Variants in CWC25 observed in about 807,000 individuals in gnomAD.
CWC25 encodes CWC25 spliceosome associated protein.
In CWC25, 31 loss-of-function variants were observed where a neutral mutation model predicts 54.6. The observed-to-expected ratio is 0.57, with a 90% CI of 0.43 to 0.77. CWC25 has a LOEUF of 0.77. Among genes scored for constraint, CWC25 ranks in the 30% least tolerant of loss-of-function variants. The probability of loss-of-function intolerance (pLI) is 0.00; values close to 1 mark genes in which losing one functional copy is unlikely to be tolerated. For synonymous variants in CWC25, 151 were observed against 187.0 expected (o/e 0.81, Z 1.57); for missense variants, 453 against 529.3 (o/e 0.86, Z 1.41).
At chr17:38,818,148 C>T (rs1379387598) in intron 2 of CWC25, among the ~76,000 whole-genome samples, 2 of 151,232 alleles carry the variant, frequency 1.3e-5, no homozygotes, top group African/African-American at 4.9e-5. Context: ...TGGTGATGTG[C>T]GCCTGTAATC....
intron 1 of CWC25, among the ~76,000 whole-genome samples, chr17:38,821,781 C>G (rs1000024146): frequency 6.9e-6 from 1 of 144,084 alleles, no homozygotes; most frequent in Non-Finnish European, 1.5e-5. Context: ...GACATTCATT[C>G]TTTTTTTTTT....
chr17:38,822,252 G>A (rs926944736), intron 1 of CWC25, among the ~76,000 whole-genome samples: 31 of 152,036 alleles, frequency 2.0e-4, no homozygotes, highest in African/African-American at 7.5e-4. Context: ...TAGTAGAGAT[G>A]GGGTTTCTCT....
intron 9 of CWC25, 73 bp from the exon 10 acceptor site, chr17:38,802,279 G>T: frequency 2.9e-6 from 3 of 1,019,622 alleles, no homozygotes; most frequent in Non-Finnish European, 4.5e-6. Context: ...AGCTTCAGAA[G>T]AAATGGGTTG....
Position 38,802,204 on chromosome 17 carries a change from C to A in CWC25, c.1166G>T (p.Arg389Leu). 1 of 1,607,562 alleles carries A rather than the reference C, an allele frequency of 6.2e-7. No individual in the cohort carries two copies. The highest frequency in any genetic ancestry group is 8.5e-7 in the Non-Finnish European group (1 of 1,175,028). The change falls in exon 10 of 10, where the codon CGC becomes CTC. Residue 389 changes from arginine (R) to leucine (L), a missense_variant and splice_region_variant. Arg to Leu is a moderately radical substitution (Grantham distance 102). Around this residue, in one of 2 missense-constraint regions of CWC25, gnomAD observed 444 missense variants for 499.2 expected, o/e 0.89. Coordinates refer to ENST00000614790, the MANE Select transcript of CWC25 (RefSeq NM_017748.5). Reference sequence around the variant, plus strand: ...AGTAGATGCACTCTCCAGCTTCATGCGGCTAGGAAGAGAAGACAGGCAAAT... The same window carrying A: ...AGTAGATGCACTCTCCAGCTTCATGAGGCTAGGAAGAGAAGACAGGCAAAT... ...LDSRDGKFIH[R>L]MKLESASTSS... is the part of the protein sequence containing the mutation.
intron 1 of CWC25, among the ~76,000 whole-genome samples, chr17:38,823,200 C>T (rs1322807762): frequency 3.5e-5 from 5 of 142,982 alleles, no homozygotes; most frequent in Admixed American, 7.4e-5. Flanking sequence ...TGCTCTGTCA[C>T]GCAGGCTAGA....
Position 38,811,705 on chromosome 17 carries a change from C to T in CWC25, c.498+1090G>A, listed in dbSNP as rs562617160. ...CCAGGGGAAGGGTCTTAACCCTGGC[C>T]GTGCACTAACACCCCCAACTACTGA... On this transcript the variant is annotated intron_variant, in intron 4 of 9. Coordinates refer to ENST00000614790, the MANE Select transcript of CWC25 (RefSeq NM_017748.5). Among the ~76,000 whole-genome samples the T allele has an allele frequency of 2.0e-5, 3 of 152,204 alleles. No individual in the cohort carries two copies. The South Asian group carries it at 6.2e-4, about 32-fold the overall frequency.
chr17:38,806,804 G>C lies in CWC25; in HGVS notation c.863C>G (p.Ser288Cys). The C allele has an allele frequency of 6.2e-7, 1 of 1,610,188 alleles. No individual in the cohort carries two copies. The highest frequency in any genetic ancestry group is 1.3e-5 in the African/African-American group (1 of 74,830). Residue 288 changes from serine to cysteine, a missense_variant, in exon 7 of 10, where the codon TCC becomes TGC. Ser to Cys is a moderately radical substitution (Grantham distance 112, BLOSUM62 -1). This residue lies in a region of CWC25 where 444 missense variants were observed against 499.2 expected (regional missense o/e 0.89). Transcript: ENST00000614790. The stretch of plus-strand genomic sequence containing the variant: ...TGGGGACCGTGACCTTCTGCCCAGG[G>C]ATCGAGACCTCCTGTCCCGGGACCC... ...EAGSRDRRSRSLGRRSRSPRP... is the reference protein window; with the variant it reads ...EAGSRDRRSRCLGRRSRSPRP...
intron 3 of CWC25, among the ~76,000 whole-genome samples, chr17:38,814,050 A>G (rs1911598229): frequency 6.6e-6 from 1 of 151,218 alleles, no homozygotes; most frequent in South Asian, 2.1e-4. Context: ...TTTAGTAGAG[A>G]CGGGGTTTCA....
At chr17:38,817,516 C>T (rs1911750919) in intron 2 of CWC25, among the ~76,000 whole-genome samples, 1 of 152,054 alleles carries the variant, frequency 6.6e-6, no homozygotes, top group Admixed American at 6.6e-5. Flanking sequence ...AGGCCAGGCA[C>T]AGTAACTCAC....
At chr17:38,804,555 C>T (rs772704544) in intron 8 of CWC25, among the ~76,000 whole-genome samples, 7 of 152,146 alleles carry the variant, frequency 4.6e-5, no homozygotes, top group South Asian at 2.1e-4. Context: ...GCCTGTAATC[C>T]GAACACTTTG....
rs1271129977 is a variant in CWC25 at position 38,814,848 on chromosome 17, C to T, written c.428+13G>A. 6.2e-7 allele frequency: 1 copy of T among 1,600,082 alleles called. No homozygotes were observed. Among genetic ancestry groups the T allele is most frequent in the Non-Finnish European group, 8.6e-7 (1 of 1,169,076 alleles). ...ATCTGTAACAAACCCCCTTCCTAGC[C>T]CCCCATTAGTACCTGATGATGAAGA... is the stretch of plus-strand genomic sequence containing the variant. On this transcript the variant is annotated intron_variant, in intron 3 of 9. Coordinates refer to ENST00000614790, the MANE Select transcript of CWC25 (RefSeq NM_017748.5).
intron 3 of CWC25, among the ~76,000 whole-genome samples, 197 bp from the exon 4 acceptor site, chr17:38,813,061 C>G (rs1472968397): frequency 6.6e-6 from 1 of 150,872 alleles, no homozygotes; most frequent in Non-Finnish European, 1.5e-5. Context: ...GGAGGAGAAT[C>G]GCTTGAACCT....
intron 8 of CWC25, among the ~76,000 whole-genome samples, chr17:38,805,155 G>A (rs1911182993): frequency 6.6e-6 from 1 of 150,568 alleles, no homozygotes; most frequent in African/African-American, 2.4e-5. Context: ...TGTGCCTGTA[G>A]TCCCAGCTAC....
At chr17:38,804,912 G>C (rs1400836680) in intron 8 of CWC25, among the ~76,000 whole-genome samples, 1 of 151,586 alleles carries the variant, frequency 6.6e-6, no homozygotes, top group Non-Finnish European at 1.5e-5. Context: ...TTCGAGACCA[G>C]CCTGACCAAC....
intron 9 of CWC25, 93 bp from the exon 10 acceptor site, chr17:38,802,299 G>C (rs2143536342): frequency 3.7e-6 from 3 of 819,076 alleles, no homozygotes; most frequent in Non-Finnish European, 5.9e-6. Flanking sequence ...GTTAGCCATA[G>C]AGCAGCTGTA....
chr17:38,820,208 C>G (rs1212785241), intron 2 of CWC25, among the ~76,000 whole-genome samples: 1 of 152,220 alleles, frequency 6.6e-6, no homozygotes, highest in Admixed American at 6.5e-5. Flanking sequence ...CAATTACAGG[C>G]ATGAACCACC....
chr17:38,815,417 C>CGTG (rs1290449450), intron 2 of CWC25, among the ~76,000 whole-genome samples: 1 of 152,054 alleles, frequency 6.6e-6, no homozygotes, highest in Non-Finnish European at 1.5e-5. Context: ...ATTAGCCAGG[C>CGTG]GTGGTGGCGG....
intron 5 of CWC25, 100 bp from the exon 6 acceptor site, chr17:38,809,865 CT>C: frequency 1.9e-6 from 2 of 1,069,536 alleles, no homozygotes. Context: ...CCAATGTGAC[CT>C]TTCCGCCTCC....
intron 1 of CWC25, among the ~76,000 whole-genome samples, chr17:38,824,283 T>A (rs868524201): frequency 6.6e-6 from 1 of 152,164 alleles, no homozygotes; most frequent in Admixed American, 6.6e-5. Flanking sequence ...ACATAACTTA[T>A]ATTAAGTGGT....
Sources: gnomAD v4.1 joint callset for allele counts (sites outside exome capture counted in the v4.1 genomes callset) on GRCh38, gnomAD v4.1.1 for gene constraint, gnomAD v4.1.1 regional missense constraint, MANE v1.5 for transcripts, NCBI Gene and HGNC (gene_info 2026-07-23, HGNC 2026-07-21) for gene names.